ZNF143: variants seen among roughly 807,000 people sequenced by gnomAD.
ZNF143 encodes zinc finger protein 143.
In ZNF143, 49 loss-of-function variants were observed where a neutral mutation model predicts 74.1. The ratio of observed to expected loss-of-function variants is 0.66; its 90% CI spans 0.53 to 0.84. The LOEUF (loss-of-function observed/expected upper bound fraction) is 0.84. ZNF143 is among the 40% of genes least tolerant of loss of function. The pLI, the probability that ZNF143 is intolerant of heterozygous loss-of-function variation, is 0.00. For synonymous variants in ZNF143, 304 were observed against 282.8 expected (o/e 1.07, Z -0.75); for missense variants, 637 against 793.4 (o/e 0.80, Z 2.37).
chr11:9,522,549 A>C lies in ZNF143; in HGVS notation c.1687-2691A>C, dbSNP rs189834011. On this transcript the variant is annotated intron_variant, in intron 14 of 15. Coordinates refer to ENST00000396602, the MANE Select transcript of ZNF143 (RefSeq NM_003442.6). ...GCTTTTGTTGCCCAGGCCGGAGTGC[A>C]ATGGCACGCTCTCGGCTCACTGCAA... 1.4e-3 allele frequency among the ~76,000 whole-genome samples: 213 copies of C among 152,276 alleles called. 1 individual carries two copies. Among genetic ancestry groups the C allele is most frequent in the African/African-American group, 4.9e-3 (205 of 41,560 alleles).
intron 7 of ZNF143, among the ~76,000 whole-genome samples, chr11:9,486,371 A>ATTATATATATAATATATATATAAT (rs1477531952): frequency 2.7e-5 from 1 of 36,718 alleles, no homozygotes; most frequent in Non-Finnish European, 5.0e-5. Flanking sequence ...TATTATATAT[A>ATTATATATATAATATATATATAAT]ATATATTATA....
intron 13 of ZNF143, among the ~76,000 whole-genome samples, chr11:9,515,020 C>T (rs1241072199): frequency 1.3e-5 from 2 of 151,566 alleles, no homozygotes; most frequent in Admixed American, 6.6e-5. Context: ...CCCAGCTACT[C>T]GGGAGGCTGA....
chr11:9,507,482 C>A (rs973049147), intron 11 of ZNF143, among the ~76,000 whole-genome samples: 1 of 152,172 alleles, frequency 6.6e-6, no homozygotes, highest in African/African-American at 2.4e-5. Context: ...CTACAGTAAA[C>A]AAGCCTACTA....
intron 9 of ZNF143, 149 bp from the exon 10 acceptor site, chr11:9,497,526 C>T (rs1006285175): frequency 3.4e-5 from 21 of 610,810 alleles, no homozygotes; most frequent in African/African-American, 9.9e-5. Flanking sequence ...CCACCGTGCC[C>T]GGCCCTTTTG....
At chr11:9,518,008 A>T (rs1848781786) in intron 14 of ZNF143, among the ~76,000 whole-genome samples, 1 of 152,216 alleles carries the variant, frequency 6.6e-6, no homozygotes, top group African/African-American at 2.4e-5. Flanking sequence ...AAGTCTAAAA[A>T]CGGACTGTAT....
At chr11:9,525,600 T>C (rs1393659812) in intron 15 of ZNF143, 2 of 602,318 alleles carry the variant, frequency 3.3e-6, no homozygotes, top group African/African-American at 1.9e-5. Context: ...TAGGGGAATT[T>C]ATAGCAAGAA....
chr11:9,525,449 A>G (rs1412304783), intron 15 of ZNF143, 63 bp downstream of exon 15: 5 of 1,601,290 alleles, frequency 3.1e-6, no homozygotes, highest in Non-Finnish European at 4.3e-6. Flanking sequence ...TCAACTTTGT[A>G]CACTGTGCTT....
At chr11:9,525,091 C>T in intron 14 of ZNF143, 149 bp from the exon 15 acceptor site, 1 of 901,146 alleles carries the variant, frequency 1.1e-6, no homozygotes, top group Admixed American at 2.8e-5. Context: ...CTCAAATAAA[C>T]CTCCTTTCAA....
intron 7 of ZNF143, 82 bp from the exon 8 acceptor site, chr11:9,494,564 G>A: frequency 7.1e-7 from 1 of 1,417,376 alleles, no homozygotes; most frequent in Non-Finnish European, 9.7e-7. Flanking sequence ...GCCTACCTCT[G>A]CCTCCCCATG....
At chr11:9,493,972 T>C (rs995570220) in intron 7 of ZNF143, among the ~76,000 whole-genome samples, 1 of 152,174 alleles carries the variant, frequency 6.6e-6, no homozygotes, top group African/African-American at 2.4e-5. Flanking sequence ...AAAACACTTT[T>C]GACATTGTTT....
intron 10 of ZNF143, among the ~76,000 whole-genome samples, chr11:9,498,782 T>C (rs555261696): frequency 3.9e-5 from 6 of 152,312 alleles, no homozygotes. Context: ...GTTTTAAACG[T>C]GGTGTGATAA....
chr11:9,514,287 C>A lies in ZNF143; in HGVS notation c.1524+1691C>A, dbSNP rs1589940991. Among the ~76,000 whole-genome samples the A allele has an allele frequency of 2.6e-5, 4 of 152,216 alleles. No homozygotes were observed. The South Asian group carries it at 8.3e-4, about 32-fold the overall frequency. ...TAAGTCTTATCCTTCTTCATATATTCCAAAACAACTATCTTTCCCATCCCA... is the reference window on the plus strand; with the variant it reads ...TAAGTCTTATCCTTCTTCATATATTACAAAACAACTATCTTTCCCATCCCA... On this transcript the variant is annotated intron_variant, in intron 13 of 15. Coordinates refer to ENST00000396602, the MANE Select transcript of ZNF143 (RefSeq NM_003442.6).
rs367871279 is a variant in ZNF143 at position 9,527,513 on chromosome 11, G to A, written c.1834-17G>A. On this transcript the variant is annotated splice_polypyrimidine_tract_variant and intron_variant, in intron 15 of 15. Transcript: ENST00000396602. ...CTTTTGAATTGTTAGCGTTTGATGT[G>A]TGTGTTCCTGTTTCAGCTTGGAGAA... 6.2e-7 allele frequency: 1 copy of A among 1,612,770 alleles called. No individual in the cohort carries two copies.
chr11:9,497,716 A>G lies in ZNF143; in HGVS notation c.883A>G (p.Lys295Glu), dbSNP rs766509817. 1 of 1,609,762 alleles carries G rather than the reference A, an allele frequency of 6.2e-7. No individual in the cohort carries two copies. Among genetic ancestry groups the G allele is most frequent in the Non-Finnish European group, 8.5e-7 (1 of 1,176,788 alleles). Residue 295 changes from lysine (K) to glutamate (E), a missense_variant, in exon 10 of 16, where the codon AAG becomes GAG. Lys to Glu is a moderately conservative substitution (Grantham distance 56, BLOSUM62 1). Coordinates refer to ENST00000396602, the MANE Select transcript of ZNF143 (RefSeq NM_003442.6). Reference protein sequence around the residue: ...KSHVRTHTGEKPYRCSEDNCT... With the variant: ...KSHVRTHTGEEPYRCSEDNCT... ...TCACGTCAGAACTCATACAGGAGAA[A>G]AGCCATATCGGTGTTCGGAAGATAA...
chr11:9,497,904 C>A (rs1402084586), intron 10 of ZNF143, 104 bp downstream of exon 10: 5 of 887,482 alleles, frequency 5.6e-6, no homozygotes, highest in Middle Eastern at 3.8e-4. Context: ...AATCTTGGCT[C>A]ACTGCAAGCT....
At chr11:9,464,572 G>A (rs1856076640) in intron 1 of ZNF143, among the ~76,000 whole-genome samples, 1 of 152,054 alleles carries the variant, frequency 6.6e-6, no homozygotes, top group African/African-American at 2.4e-5. Flanking sequence ...CTGCACTCCA[G>A]CCTGGGGGAC....
chr11:9,466,950 G>A (rs994070393), intron 1 of ZNF143, among the ~76,000 whole-genome samples: 15 of 151,888 alleles, frequency 9.9e-5, no homozygotes, highest in African/African-American at 3.6e-4. Flanking sequence ...CTGGAGTGCA[G>A]TGGCGCGATC....
intron 5 of ZNF143, among the ~76,000 whole-genome samples, chr11:9,476,398 C>T (rs1243749063): frequency 6.6e-6 from 1 of 152,002 alleles, no homozygotes; most frequent in South Asian, 2.1e-4. Context: ...TATTTTGAGA[C>T]AGTCTCGCTC....
At chr11:9,515,966 C>CAG (rs1006593172) in intron 13 of ZNF143, among the ~76,000 whole-genome samples, 1 of 152,004 alleles carries the variant, frequency 6.6e-6, no homozygotes, top group Non-Finnish European at 1.5e-5. Context: ...GCCTGGGCAA[C>CAG]AGAGTGAGGC....
Sources: allele counts gnomAD v4.1 joint callset (sites outside exome capture counted in the v4.1 genomes callset), GRCh38; gene constraint gnomAD v4.1.1; transcripts MANE v1.5; gene names NCBI Gene and HGNC (gene_info 2026-07-23, HGNC 2026-07-21).